CLEC2A: variants seen among roughly 807,000 people sequenced by gnomAD.
The protein encoded by CLEC2A is keratinocyte-associated C-type lectin.
Under a neutral mutation model 18.6 loss-of-function variants are expected in CLEC2A, and 19 were observed. The ratio of observed to expected loss-of-function variants is 1.02; its 90% CI spans 0.71 to 1.50. The LOEUF (loss-of-function observed/expected upper bound fraction) is 1.50. Among genes scored for constraint, CLEC2A ranks in the 40% most tolerant of loss-of-function variants. The pLI is 0.00. For synonymous variants in CLEC2A, 74 were observed against 64.0 expected, an observed-to-expected ratio of 1.16 and a Z score of -0.75; for missense variants, 190 against 207.9, an observed-to-expected ratio of 0.91 and a Z score of 0.53.
chr12:9,930,918 CAA>C (rs1863365994), intron 1 of CLEC2A, among the ~76,000 whole-genome samples: 1 of 152,060 alleles, frequency 6.6e-6, no homozygotes. Context: ...ATTAACTCCT[CAA>C]AGTGTTCTTT....
At chr12:9,930,863 C>A (rs980025331) in intron 1 of CLEC2A, among the ~76,000 whole-genome samples, 2 of 151,802 alleles carry the variant, frequency 1.3e-5, no homozygotes, top group African/African-American at 4.8e-5. Context: ...TTTTTAATAG[C>A]ATCTCCTAGG....
At chr12:9,906,580 A>G (rs953563390) in intron 4 of CLEC2A, among the ~76,000 whole-genome samples, 2 of 152,216 alleles carry the variant, frequency 1.3e-5, no homozygotes, top group African/African-American at 4.8e-5. Flanking sequence ...TAGAATCAGT[A>G]TAAATGGTCC....
chr12:9,922,548 G>A (rs572449134), intron 2 of CLEC2A, among the ~76,000 whole-genome samples: 7 of 152,180 alleles, frequency 4.6e-5, no homozygotes, highest in Admixed American at 2.6e-4. Flanking sequence ...TCAAGGTAGA[G>A]TGCTGGAGAT....
downstream of CLEC2A, among the ~76,000 whole-genome samples, chr12:9,898,192 A>G (rs1862778390): frequency 6.6e-6 from 1 of 152,196 alleles, no homozygotes; most frequent in Non-Finnish European, 1.5e-5. Context: ...CTCATTTTGA[A>G]ACCAGCCCAA....
At chr12:9,904,980 C>T (rs543567426) in intron 4 of CLEC2A, among the ~76,000 whole-genome samples, 43 of 152,268 alleles carry the variant, frequency 2.8e-4, no homozygotes, top group African/African-American at 1.0e-3. Context: ...AAATACTTAT[C>T]TACATTTGAT....
At chr12:9,886,452 A>G in the CLEC2A span, among the ~76,000 whole-genome samples, 2 of 152,196 alleles carry the variant, frequency 1.3e-5, no homozygotes, top group African/African-American at 2.4e-5. Flanking sequence ...GGATAAATCA[A>G]TGGGGAGAAC....
chr12:9,901,869 G>C (rs762475979), intron 4 of CLEC2A, among the ~76,000 whole-genome samples: 5 of 152,156 alleles, frequency 3.3e-5, no homozygotes, highest in Non-Finnish European at 7.3e-5. Context: ...GGAAAACCTT[G>C]TTATGATTTT....
chr12:9,882,395 T>G, the CLEC2A span, among the ~76,000 whole-genome samples: 7 of 152,226 alleles, frequency 4.6e-5, no homozygotes, highest in African/African-American at 1.7e-4. Flanking sequence ...CTCAGATCTT[T>G]TTTGTGTTTC....
rs1458134387 is a variant in CLEC2A at position 9,913,604 on chromosome 12, T to C, written c.487A>G (p.Ile163Val). The stretch of plus-strand genomic sequence containing the variant: ...TTAGGTTTGCTGCAAATCCACTTGA[T>C]ATCAATAAATCCTCTGGAACTATGG... The part of the protein sequence containing the change: ...GVHSSRGFID[I>V]KWICSKPKYF... The change falls in exon 5 of 5, where the codon ATC (isoleucine) becomes GTC (valine). Residue 163 changes from isoleucine (I) to valine (V), a missense_variant. Coordinates refer to ENST00000455827, the MANE Select transcript of CLEC2A (RefSeq NM_001130711.2). 2.6e-5 allele frequency: 40 copies of C among 1,549,828 alleles called. No individual in the cohort carries two copies. Among genetic ancestry groups the C allele is most frequent in the Non-Finnish European group, 3.5e-5 (40 of 1,146,744 alleles).
chr12:9,903,521 T>C (rs1055868025), intron 4 of CLEC2A, among the ~76,000 whole-genome samples: 8 of 152,334 alleles, frequency 5.3e-5, no homozygotes, highest in South Asian at 2.1e-4. Context: ...GTGATGCTTT[T>C]GTTATGGTTC....
chr12:9,913,346 A>G lies in CLEC2A; in HGVS notation c.*220T>C, dbSNP rs138070507. ...GTGATTAGTTCATGAGGATGGAGCC[A>G]TAGTAAATGTGATTGTGCCCTTATA... On this transcript the variant is annotated 3_prime_UTR_variant, in exon 5 of 5. Transcript: ENST00000455827. 6.4e-6 allele frequency: 4 copies of G among 622,904 alleles called. No individual in the cohort carries two copies. Among genetic ancestry groups the G allele is most frequent in the African/African-American group, 1.9e-5 (1 of 53,014 alleles). 38.6% of individuals were successfully genotyped at this position (622,904 alleles called of 1,614,324 possible). A position where few individuals can be genotyped will look rare whatever the true frequency, so the allele number is the denominator to read the frequency against.
At chr12:9,892,145 C>T in the CLEC2A span, among the ~76,000 whole-genome samples, 1 of 152,086 alleles carries the variant, frequency 6.6e-6, no homozygotes, top group Non-Finnish European at 1.5e-5. Flanking sequence ...TGTGTTGAGT[C>T]TTACAGATAG....
chr12:9,914,518 A>G (rs1051471506), intron 4 of CLEC2A, among the ~76,000 whole-genome samples: 2 of 152,228 alleles, frequency 1.3e-5, no homozygotes, highest in African/African-American at 2.4e-5. Context: ...AAACAGACAT[A>G]CAGACCAATG....
the CLEC2A span, among the ~76,000 whole-genome samples, chr12:9,883,425 C>A: frequency 1.3e-5 from 2 of 152,314 alleles, no homozygotes; most frequent in South Asian, 2.1e-4. Context: ...GTACTCAGCT[C>A]TCTGTTCACC....
the CLEC2A span, chr12:9,884,897 T>G: frequency 2.3e-5 from 15 of 662,730 alleles, no homozygotes; most frequent in Non-Finnish European, 2.8e-5. Flanking sequence ...ATTTATAAAG[T>G]GAATAATCAC....
At chr12:9,905,969 A>G (rs528727959) in intron 4 of CLEC2A, among the ~76,000 whole-genome samples, 5 of 151,426 alleles carry the variant, frequency 3.3e-5, no homozygotes, top group African/African-American at 1.2e-4. Flanking sequence ...AAATGGTGTT[A>G]GTCCTGGATT....
chr12:9,919,314 T>C (rs540322905), intron 3 of CLEC2A, among the ~76,000 whole-genome samples: 2 of 152,330 alleles, frequency 1.3e-5, no homozygotes, highest in Non-Finnish European at 2.9e-5. Context: ...TAAGCAATCA[T>C]TCAGTGCAAT....
At chr12:9,901,347 A>G (rs751715040) in intron 4 of CLEC2A, among the ~76,000 whole-genome samples, 1 of 152,352 alleles carries the variant, frequency 6.6e-6, no homozygotes, top group South Asian at 2.1e-4. Context: ...TTGTCTGTGA[A>G]TAGCAAAATG....
At chr12:9,926,120 A>C (rs987266321) in intron 2 of CLEC2A, 140 bp downstream of exon 2, 3 of 520,100 alleles carry the variant, frequency 5.8e-6, no homozygotes, top group Non-Finnish European at 1.0e-5. Context: ...AAAACTGTTG[A>C]ACTGGTAAAA....
Sources: allele counts gnomAD v4.1 joint callset (sites outside exome capture counted in the v4.1 genomes callset), GRCh38; gene constraint gnomAD v4.1.1; transcripts MANE v1.5; gene names NCBI Gene and HGNC (gene_info 2026-07-23, HGNC 2026-07-21).